Variants in ACSS3 observed in about 807,000 individuals in gnomAD.
ACSS3 encodes the protein acyl-CoA synthetase short-chain family member 3, mitochondrial.
ACSS3 carries 64 observed loss-of-function variants against 84.2 expected under a neutral mutation model. That is an observed-to-expected ratio of 0.76 (90% confidence interval 0.62 to 0.94). The LOEUF (loss-of-function observed/expected upper bound fraction) is 0.94. Ranked by LOEUF, ACSS3 falls within the 40% of genes least tolerant of loss-of-function variation. The pLI, the probability that ACSS3 is intolerant of heterozygous loss-of-function variation, is 0.00. For synonymous variants in ACSS3, 317 were observed against 310.1 expected (o/e 1.02, Z -0.23); for missense variants, 815 against 867.6 (o/e 0.94, Z 0.76).
At chr12:81,217,966 A>G (rs2032981646) in intron 10 of ACSS3, among the ~76,000 whole-genome samples, 1 of 152,204 alleles carries the variant, frequency 6.6e-6, no homozygotes, top group Non-Finnish European at 1.5e-5. Flanking sequence ...TTGTTTTTAA[A>G]TTTACAGTAG....
chr12:81,132,818 T>G (rs1401283812), intron 2 of ACSS3, among the ~76,000 whole-genome samples: 1 of 152,152 alleles, frequency 6.6e-6, no homozygotes, highest in Non-Finnish European at 1.5e-5. Flanking sequence ...AAGTCACAGC[T>G]TTGGCTATGA....
intron 14 of ACSS3, 22 bp downstream of exon 14, chr12:81,253,428 G>C: frequency 1.2e-6 from 2 of 1,613,434 alleles, no homozygotes; most frequent in Non-Finnish European, 1.7e-6. Context: ...TTTTCTCCCT[G>C]ATTGCTTGGG....
At chr12:81,095,892 C>T (rs565139070) in intron 1 of ACSS3, among the ~76,000 whole-genome samples, 1 of 152,316 alleles carries the variant, frequency 6.6e-6, no homozygotes, top group African/African-American at 2.4e-5. Context: ...TCAGGTTTCT[C>T]TGTTAAAATA....
chr12:81,178,075 T>A (rs1209023908), intron 8 of ACSS3, among the ~76,000 whole-genome samples: 1 of 151,968 alleles, frequency 6.6e-6, no homozygotes, highest in Non-Finnish European at 1.5e-5. Context: ...AAATGTCCAA[T>A]AATGATAGAC....
chr12:81,130,699 G>A (rs1290468954), intron 2 of ACSS3, among the ~76,000 whole-genome samples: 2 of 152,108 alleles, frequency 1.3e-5, no homozygotes, highest in African/African-American at 4.8e-5. Flanking sequence ...TGAAGTCCTT[G>A]CCCATGCCTA....
At chr12:81,116,160 A>G (rs999732083) in intron 2 of ACSS3, among the ~76,000 whole-genome samples, 3 of 152,070 alleles carry the variant, frequency 2.0e-5, no homozygotes, top group African/African-American at 2.4e-5. Context: ...ATAGATGAGT[A>G]TATCCTAAAT....
chr12:81,155,229 C>T (rs147015876), intron 7 of ACSS3, among the ~76,000 whole-genome samples: 3 of 152,286 alleles, frequency 2.0e-5, no homozygotes, highest in African/African-American at 7.2e-5. Flanking sequence ...CTTTTCTTCT[C>T]TTTGTTTCTT....
intron 4 of ACSS3, among the ~76,000 whole-genome samples, chr12:81,139,772 A>G (rs1397822062): frequency 1.3e-5 from 2 of 151,466 alleles, no homozygotes; most frequent in Non-Finnish European, 2.9e-5. Context: ...AGTAGCTGGG[A>G]CTACAGGTGC....
At chr12:81,142,397 C>A (rs575784292) in intron 4 of ACSS3, among the ~76,000 whole-genome samples, 2 of 152,170 alleles carry the variant, frequency 1.3e-5, no homozygotes, top group Non-Finnish European at 2.9e-5. Context: ...ACCCATCTGG[C>A]CATTTCATTG....
chr12:81,128,246 C>T (rs2574740), intron 2 of ACSS3, among the ~76,000 whole-genome samples: 127,719 of 151,940 alleles, frequency 0.84, 55,896 homozygotes, highest in Non-Finnish European at 0.96. Flanking sequence ...TATTTTTGTA[C>T]CTGTAGACTT....
intron 2 of ACSS3, among the ~76,000 whole-genome samples, chr12:81,111,469 A>G (rs1593063611): frequency 6.6e-6 from 1 of 152,298 alleles, no homozygotes. Flanking sequence ...TGCAAAAAGC[A>G]TGCAGTTTCT....
At chr12:81,111,924 G>A (rs1189579765) in intron 2 of ACSS3, among the ~76,000 whole-genome samples, 1 of 152,110 alleles carries the variant, frequency 6.6e-6, no homozygotes, top group Non-Finnish European at 1.5e-5. Context: ...ACAGAAAAAA[G>A]CAAAATAATG....
rs768448971 is a variant in ACSS3, at chr12:81,216,904, C to A, written c.1358C>A (p.Thr453Asn). 1.2e-6 allele frequency: 2 copies of A among 1,609,008 alleles called. No homozygotes were observed. The highest frequency in any genetic ancestry group is 2.2e-5 in the East Asian group (1 of 44,746). Reference sequence around the variant, plus strand: ...TAAATAACATTTCTTTTTCCAGAGACTGGATCTCCAATTACTGCGTCATGT... The same window carrying A: ...TAAATAACATTTCTTTTTCCAGAGAATGGATCTCCAATTACTGCGTCATGT... ...PVLDHWWQTE[T>N]GSPITASCVG... Residue 453 changes from threonine to asparagine, a missense_variant, in exon 10 of 16, where the codon ACT (threonine) becomes AAT (asparagine). Thr to Asn is a moderately conservative substitution (Grantham distance 65). Coordinates refer to ENST00000548058, the MANE Select transcript of ACSS3 (RefSeq NM_024560.4).
intron 1 of ACSS3, among the ~76,000 whole-genome samples, chr12:81,080,053 A>G (rs2121250364): frequency 6.6e-6 from 1 of 152,302 alleles, no homozygotes; most frequent in East Asian, 1.9e-4. Context: ...CTGTCATAAA[A>G]TATGGTACTA....
At chr12:81,133,939 A>G (rs1051634001) in intron 2 of ACSS3, among the ~76,000 whole-genome samples, 3 of 151,156 alleles carry the variant, frequency 2.0e-5, no homozygotes, top group African/African-American at 7.3e-5. Context: ...ACAGCCCTCT[A>G]TAATTGCCCA....
At chr12:81,144,222 G>A (rs991189864) in intron 5 of ACSS3, among the ~76,000 whole-genome samples, 3 of 152,124 alleles carry the variant, frequency 2.0e-5, no homozygotes, top group African/African-American at 7.2e-5. Flanking sequence ...ACTTTTGGTA[G>A]GGTAATATAT....
At chr12:81,133,040 G>A (rs1175100135) in intron 2 of ACSS3, among the ~76,000 whole-genome samples, 2 of 151,866 alleles carry the variant, frequency 1.3e-5, no homozygotes, top group African/African-American at 2.4e-5. Context: ...TCTTCTGCTA[G>A]CGTCTTTGAA....
chr12:81,121,383 T>C (rs1884586503), intron 2 of ACSS3, among the ~76,000 whole-genome samples: 1 of 152,134 alleles, frequency 6.6e-6, no homozygotes. Context: ...TTTATATTTG[T>C]CTTTCTTTAA....
rs112932289 is a variant in ACSS3, at chr12:81,081,421, T to C, written c.311+2990T>C. Among the ~76,000 whole-genome samples the C allele has an allele frequency of 6.3e-3, 952 of 152,268 alleles. 6 individuals carry two copies. The highest frequency in any genetic ancestry group is 0.018 in the African/African-American group (728 of 41,556). ...CTCACAGTTTGGTGGTTACTCCATATTGTTAACACCTGGCTCTTTGGGTAA... is the reference window on the plus strand; with the variant it reads ...CTCACAGTTTGGTGGTTACTCCATACTGTTAACACCTGGCTCTTTGGGTAA... On this transcript the variant is annotated intron_variant, in intron 1 of 15. Coordinates refer to ENST00000548058, the MANE Select transcript of ACSS3 (RefSeq NM_024560.4).
Sources: gnomAD v4.1 joint callset for allele counts (sites outside exome capture counted in the v4.1 genomes callset) on GRCh38, gnomAD v4.1.1 for gene constraint, MANE v1.5 for transcripts, NCBI Gene and HGNC (gene_info 2026-07-23, HGNC 2026-07-21) for gene names.